Variants in ZDHHC17 observed in about 807,000 individuals in gnomAD.
ZDHHC17 encodes palmitoyltransferase ZDHHC17.
A neutral mutation model predicts 90.3 loss-of-function variants in ZDHHC17; 40 were observed. That is an observed-to-expected ratio of 0.44 (90% CI 0.34 to 0.58). ZDHHC17 has a LOEUF of 0.58. ZDHHC17 is among the 20% of genes least tolerant of loss of function. The probability of loss-of-function intolerance (pLI) is 0.01; values close to 1 mark genes in which losing one functional copy is unlikely to be tolerated. For missense variants in ZDHHC17, 614 were observed against 780.8 expected (o/e 0.79, Z 2.55); for synonymous variants, 235 against 252.4 (o/e 0.93, Z 0.65).
chr12:76,790,990 A>G (rs980842796), intron 1 of ZDHHC17, among the ~76,000 whole-genome samples: 1 of 152,200 alleles, frequency 6.6e-6, no homozygotes, highest in Non-Finnish European at 1.5e-5. Context: ...GAAATGATCA[A>G]TGTTTGAGGT....
chr12:76,832,277 T>C (rs553057305), intron 10 of ZDHHC17, among the ~76,000 whole-genome samples: 3 of 152,338 alleles, frequency 2.0e-5, no homozygotes, highest in Non-Finnish European at 4.4e-5. Flanking sequence ...ATAGCAGTTG[T>C]CCAGGATCAC....
intron 16 of ZDHHC17, among the ~76,000 whole-genome samples, chr12:76,850,176 A>T (rs528649402): frequency 6.6e-6 from 1 of 152,012 alleles, no homozygotes; most frequent in South Asian, 2.1e-4. Flanking sequence ...CGGCCTCCCA[A>T]AGTGCTAGGA....
chr12:76,833,648 C>T (rs990069586), intron 10 of ZDHHC17, among the ~76,000 whole-genome samples: 17 of 151,948 alleles, frequency 1.1e-4, no homozygotes, highest in Non-Finnish European at 2.2e-4. Context: ...AAAAATTAGC[C>T]GGGCATGGTG....
chr12:76,848,297 T>C lies in ZDHHC17; in HGVS notation c.1572T>C (p.Ile524=), dbSNP rs371052277. The C allele has an allele frequency of 1.7e-4, 275 of 1,613,844 alleles. 1 individual carries two copies. The highest frequency in any genetic ancestry group is 2.3e-4 in the Non-Finnish European group (271 of 1,179,872). ...GATTTTGGACATACATTACTCAGAT[T>C]GCCACGTGTTCACCTTGGATGTTTT... The part of the protein sequence containing the change: ...KDGFWTYITQ[I]ATCSPWMFWM... The change falls in exon 15 of 17, where the codon ATT becomes ATC. Residue 524 remains isoleucine, a synonymous_variant. Transcript: ENST00000426126.
chr12:76,828,645 TA>T (rs1953260479), intron 10 of ZDHHC17, among the ~76,000 whole-genome samples, 155 bp downstream of exon 10: 1 of 152,204 alleles, frequency 6.6e-6, no homozygotes, highest in African/African-American at 2.4e-5. Context: ...GTAATGTTTT[TA>T]AATATTTAAT....
intron 9 of ZDHHC17, among the ~76,000 whole-genome samples, chr12:76,828,130 G>A (rs924056397): frequency 2.6e-5 from 4 of 152,048 alleles, no homozygotes; most frequent in Non-Finnish European, 4.4e-5. Context: ...GAATAGGAGT[G>A]CGCTAAAATT....
At chr12:76,792,852 T>C (rs1952775310) in intron 1 of ZDHHC17, among the ~76,000 whole-genome samples, 1 of 152,226 alleles carries the variant, frequency 6.6e-6, no homozygotes, top group Admixed American at 6.5e-5. Flanking sequence ...TAAAGCTGCA[T>C]GTCCTGGGGT....
intron 10 of ZDHHC17, among the ~76,000 whole-genome samples, chr12:76,838,219 G>T (rs981449593): frequency 1.3e-5 from 2 of 151,710 alleles, no homozygotes; most frequent in Non-Finnish European, 2.9e-5. Flanking sequence ...TTCTTAATTT[G>T]TCTTTGTCCA....
intron 7 of ZDHHC17, among the ~76,000 whole-genome samples, chr12:76,818,704 A>T (rs1338292087): frequency 6.6e-6 from 1 of 152,208 alleles, no homozygotes; most frequent in African/African-American, 2.4e-5. Flanking sequence ...AGGTGCAGAA[A>T]TAAGGACAGT....
intron 8 of ZDHHC17, among the ~76,000 whole-genome samples, chr12:76,825,529 T>C (rs763512317): frequency 5.9e-5 from 9 of 152,168 alleles, no homozygotes; most frequent in African/African-American, 1.7e-4. Context: ...TTCATACTTA[T>C]TAGAAAAAAG....
chr12:76,774,736 C>T (rs565812656), intron 1 of ZDHHC17, among the ~76,000 whole-genome samples: 5 of 152,222 alleles, frequency 3.3e-5, no homozygotes, highest in Admixed American at 2.0e-4. Flanking sequence ...TTAATAACAC[C>T]TACTTCTTAG....
rs1953177137 is a variant in ZDHHC17, at chr12:76,822,549, GAT to G, written c.897+19_897+20del. 1.8e-6 allele frequency: 2 copies of G among 1,142,400 alleles called. No individual in the cohort carries two copies. The highest frequency in any genetic ancestry group is 1.2e-6 in the Non-Finnish European group (1 of 821,590). The allele number at this position is 1,142,400 out of a possible 1,614,324, so 70.8% of individuals were successfully genotyped here. ...CTGATAAGGTAAACTCATAACTGAA[GAT>G]TTTTTTTTTTTTTTTTTTTTGAGAC... is the stretch of plus-strand genomic sequence containing the variant. On this transcript the variant is annotated intron_variant, in intron 8 of 16. Coordinates refer to ENST00000426126, the MANE Select transcript of ZDHHC17 (RefSeq NM_015336.4).
chr12:76,806,178 C>G (rs1952951691), intron 3 of ZDHHC17, among the ~76,000 whole-genome samples: 1 of 152,162 alleles, frequency 6.6e-6, no homozygotes, highest in Admixed American at 6.5e-5. Flanking sequence ...ACACTGCAGC[C>G]TCGCCTCCCA....
rs1296792426 is a variant in ZDHHC17 at position 76,807,599 on chromosome 12, T to C, written c.321-1444T>C. ...AAATATAATACTGAGAAGTTTACAA[T>C]GAAAAGTAATAGAAGTTATTCTTTT... is the stretch of plus-strand genomic sequence containing the variant. On this transcript the variant is annotated intron_variant, in intron 3 of 16. Transcript: ENST00000426126. Among the ~76,000 whole-genome samples the C allele has an allele frequency of 4.6e-5, 7 of 152,310 alleles. No homozygotes were observed. In the East Asian group the frequency reaches 5.8e-4, roughly 13 times the overall value.
chr12:76,794,098 G>C, intron 1 of ZDHHC17, among the ~76,000 whole-genome samples: 1 of 152,048 alleles, frequency 6.6e-6, no homozygotes, highest in South Asian at 2.1e-4. Context: ...TGTTAGCCAG[G>C]ATGGTCTCAA....
At chr12:76,838,024 T>C (rs1953389790) in intron 10 of ZDHHC17, among the ~76,000 whole-genome samples, 1 of 152,142 alleles carries the variant, frequency 6.6e-6, no homozygotes, top group Non-Finnish European at 1.5e-5. Context: ...TTATCCTCCT[T>C]GTGTTCATCT....
chr12:76,784,491 T>C (rs1952663678), intron 1 of ZDHHC17, among the ~76,000 whole-genome samples: 1 of 152,178 alleles, frequency 6.6e-6, no homozygotes, highest in South Asian at 2.1e-4. Context: ...AAGATGATGT[T>C]GAAGGTGAAG....
At chr12:76,846,954 T>C (rs1953502778) in intron 14 of ZDHHC17, among the ~76,000 whole-genome samples, 1 of 152,214 alleles carries the variant, frequency 6.6e-6, no homozygotes, top group African/African-American at 2.4e-5. Context: ...CTGGGTGAAA[T>C]ACATCAACAT....
At chr12:76,831,102 T>G (rs968589995) in intron 10 of ZDHHC17, among the ~76,000 whole-genome samples, 3 of 151,914 alleles carry the variant, frequency 2.0e-5, no homozygotes, top group East Asian at 1.9e-4. Context: ...AAATAAAAAT[T>G]GCAGTATGAG....
Sources: allele counts gnomAD v4.1 joint callset (sites outside exome capture counted in the v4.1 genomes callset), GRCh38; gene constraint gnomAD v4.1.1; transcripts MANE v1.5; gene names NCBI Gene and HGNC (gene_info 2026-07-23, HGNC 2026-07-21).